The following SDK1 variants were observed in gnomAD, a reference collection of about 807,000 sequenced individuals.
SDK1 encodes sidekick cell adhesion molecule 1.
Under a neutral mutation model 245.5 loss-of-function variants are expected in SDK1, and 157 were observed. That is an observed-to-expected ratio of 0.64 (90% CI 0.56 to 0.73). SDK1 has a LOEUF of 0.73. SDK1 is among the 30% of genes least tolerant of loss of function. SDK1 has a pLI of 0.00. For synonymous variants in SDK1, 1,647 were observed against 1,278.5 expected (o/e 1.29, Z -6.15); for missense variants, 3,583 against 3,002.3 (o/e 1.19, Z -4.52).
chr7:3,638,750 G>A (rs1457279884), intron 2 of SDK1, among the ~76,000 whole-genome samples: 10 of 150,604 alleles, frequency 6.6e-5, no homozygotes, highest in South Asian at 2.1e-4. Context: ...TAACCTGCAC[G>A]TTGTGCACAT....
chr7:4,213,870 A>T (rs1244547819), intron 38 of SDK1, among the ~76,000 whole-genome samples: 2 of 152,190 alleles, frequency 1.3e-5, no homozygotes, highest in African/African-American at 4.8e-5. Context: ...GAAGATTTTT[A>T]GACAATCCTT....
intron 5 of SDK1, among the ~76,000 whole-genome samples, chr7:3,935,019 G>T (rs1780106833): frequency 1.3e-5 from 2 of 152,192 alleles, no homozygotes; most frequent in African/African-American, 4.8e-5. Flanking sequence ...TCTTGTATTG[G>T]CAAGAACAAC....
intron 3 of SDK1, among the ~76,000 whole-genome samples, chr7:3,639,712 A>G (rs1033333440): frequency 7.2e-5 from 11 of 152,188 alleles, no homozygotes; most frequent in Non-Finnish European, 1.5e-4. Context: ...AACTTGGCCT[A>G]TGAAAGTATT....
chr7:3,429,204 T>C (rs1304520016), intron 1 of SDK1, among the ~76,000 whole-genome samples: 2 of 148,476 alleles, frequency 1.3e-5, no homozygotes, highest in South Asian at 2.2e-4. Flanking sequence ...TAATACTCAG[T>C]TGTGGATAGA....
At chr7:3,321,575 A>G (rs893271049) in intron 1 of SDK1, among the ~76,000 whole-genome samples, 1 of 152,202 alleles carries the variant, frequency 6.6e-6, no homozygotes, top group Non-Finnish European at 1.5e-5. Flanking sequence ...AAGACATTTT[A>G]CATACAGTAT....
At chr7:3,330,625 C>G (rs1780043624) in intron 1 of SDK1, among the ~76,000 whole-genome samples, 2 of 152,094 alleles carry the variant, frequency 1.3e-5, no homozygotes. Context: ...GTGCCATGGT[C>G]TTGGACTTCA....
At chr7:3,975,147 C>G (rs1012223942) in intron 13 of SDK1, among the ~76,000 whole-genome samples, 5 of 152,366 alleles carry the variant, frequency 3.3e-5, no homozygotes, top group African/African-American at 7.2e-5. Flanking sequence ...CTCTTTCTCC[C>G]TCCACTCCCC....
chr7:4,180,233 C>CTATGCCCAGCGCCCAGCTA (rs1782514596), intron 35 of SDK1, among the ~76,000 whole-genome samples: 1 of 112,508 alleles, frequency 8.9e-6, no homozygotes, highest in Non-Finnish European at 2.1e-5. Context: ...GCGCCCAGCT[C>CTATGCCCAGCGCCCAGCTA]CAGCTCTATG....
chr7:3,548,412 T>C (rs1779298495), intron 1 of SDK1, among the ~76,000 whole-genome samples: 1 of 152,216 alleles, frequency 6.6e-6, no homozygotes, highest in Admixed American at 6.5e-5. Context: ...CCAAAACTAC[T>C]GAGCTACATT....
intron 1 of SDK1, among the ~76,000 whole-genome samples, chr7:3,487,771 A>AG (rs1445928203): frequency 3.3e-5 from 5 of 149,808 alleles, no homozygotes; most frequent in East Asian, 1.9e-4. Context: ...AAAAAAAAAA[A>AG]AAAAAGAAAA....
chr7:3,415,096 T>C (rs1368502539), intron 1 of SDK1, among the ~76,000 whole-genome samples: 1 of 152,340 alleles, frequency 6.6e-6, no homozygotes, highest in Non-Finnish European at 1.5e-5. Flanking sequence ...AGGAGTGTAA[T>C]TGCTGGGTTT....
intron 1 of SDK1, among the ~76,000 whole-genome samples, chr7:3,495,252 C>CTTTTTTTT (rs71029675): frequency 9.0e-5 from 9 of 99,764 alleles, no homozygotes; most frequent in East Asian, 2.9e-4. Context: ...CATAATGGTT[C>CTTTTTTTT]TTTTTTTTTT....
rs372465054 is a variant in SDK1 at position 3,353,331 on chromosome 7, C to G, written c.298+51447C>G. 5.9e-4 allele frequency among the ~76,000 whole-genome samples: 89 copies of G among 152,090 alleles called. 3 individuals are homozygous for G. Among genetic ancestry groups the G allele is most frequent in the Admixed American group, 7.2e-4 (11 of 15,288 alleles). The stretch of plus-strand genomic sequence containing the variant: ...TGGGGGTTATTTTGAAAATTGATGG[C>G]ATTTGGAATAAAAGTTGCTATAACC... On this transcript the variant is annotated intron_variant, in intron 1 of 44. Transcript: ENST00000404826.
chr7:3,383,597 C>G (rs950332129), intron 1 of SDK1, among the ~76,000 whole-genome samples: 1 of 152,136 alleles, frequency 6.6e-6, no homozygotes, highest in Non-Finnish European at 1.5e-5. Flanking sequence ...TGATCTTAAA[C>G]TGGATGGTCT....
chr7:4,075,393 G>A (rs996284943), intron 20 of SDK1, among the ~76,000 whole-genome samples: 5 of 152,196 alleles, frequency 3.3e-5, no homozygotes, highest in African/African-American at 1.2e-4. Context: ...TTACCTGCAA[G>A]TGCAACTCCT....
chr7:3,934,725 A>G (rs1780096488), intron 5 of SDK1, among the ~76,000 whole-genome samples: 2 of 152,234 alleles, frequency 1.3e-5, no homozygotes, highest in African/African-American at 4.8e-5. Context: ...AGGCTGAAAG[A>G]GATGGGCTCT....
chr7:3,732,935 G>C (rs1275465203), intron 4 of SDK1, among the ~76,000 whole-genome samples: 1 of 152,186 alleles, frequency 6.6e-6, no homozygotes, highest in Non-Finnish European at 1.5e-5. Context: ...AGTTATCCTG[G>C]AGTCTAGGGA....
At chr7:3,999,364 A>C (rs1034244694) in intron 14 of SDK1, among the ~76,000 whole-genome samples, 2 of 152,078 alleles carry the variant, frequency 1.3e-5, no homozygotes, top group African/African-American at 4.8e-5. Flanking sequence ...GGCAAAGAAC[A>C]CTCACAAAAT....
At chr7:3,942,492 T>A (rs1256192566) in intron 5 of SDK1, among the ~76,000 whole-genome samples, 1 of 152,218 alleles carries the variant, frequency 6.6e-6, no homozygotes, top group African/African-American at 2.4e-5. Flanking sequence ...CAAAAAATAC[T>A]ATGATAGGAT....
Sources: allele counts gnomAD v4.1 joint callset (sites outside exome capture counted in the v4.1 genomes callset), GRCh38; gene constraint gnomAD v4.1.1; transcripts MANE v1.5; gene names NCBI Gene and HGNC (gene_info 2026-07-23, HGNC 2026-07-21).